Variants in CADPS2 observed in about 807,000 individuals in gnomAD.
CADPS2 encodes the protein calcium-dependent secretion activator 2.
In CADPS2, 93 loss-of-function variants were observed where a neutral mutation model predicts 172.5. That is an observed-to-expected ratio of 0.54 (90% CI 0.46 to 0.64). CADPS2 has a LOEUF of 0.64. Ranked by LOEUF, CADPS2 falls within the 30% of genes least tolerant of loss-of-function variation. The pLI is 0.00. For missense variants in CADPS2, 1,420 were observed against 1,565.9 expected (o/e 0.91, Z 1.57); for synonymous variants, 546 against 555.2 (o/e 0.98, Z 0.23).
At position 122,471,457 on chromosome 7, in the gene CADPS2, G is replaced by A. The variant is rs751976923; in HGVS notation, c.2104C>T (p.His702Tyr). 37 of 1,613,370 alleles carry A rather than the reference G, an allele frequency of 2.3e-5. No individual in the cohort carries two copies. Among genetic ancestry groups the A allele is most frequent in the Non-Finnish European group, 3.1e-5 (37 of 1,179,742 alleles). Residue 702 changes from histidine to tyrosine, a missense_variant, in exon 14 of 30, where the codon CAT becomes TAT. His to Tyr is a moderately conservative substitution (Grantham distance 83). Transcript: ENST00000449022. The stretch of plus-strand genomic sequence containing the variant: ...TCAATGACAGCACCATTTTCTGAAT[G>A]TTCCATCAGTTCTGCAAGGTAGCAG... ...HLCYLAELME[H>Y]SENGAVIDPT... is the part of the protein sequence containing the mutation.
intron 14 of CADPS2, among the ~76,000 whole-genome samples, chr7:122,453,450 G>A (rs2053385683): frequency 6.6e-6 from 1 of 152,062 alleles, no homozygotes; most frequent in Non-Finnish European, 1.5e-5. Flanking sequence ...CAACTGGGAA[G>A]TTCTATATAA....
intron 20 of CADPS2, among the ~76,000 whole-genome samples, chr7:122,398,374 C>T (rs1050804345): frequency 6.6e-6 from 1 of 152,166 alleles, no homozygotes; most frequent in African/African-American, 2.4e-5. Context: ...TTATAGTGCT[C>T]ATCCTCTTCC....
At chr7:122,845,292 T>C (rs1253241183) in intron 1 of CADPS2, among the ~76,000 whole-genome samples, 1 of 152,150 alleles carries the variant, frequency 6.6e-6, no homozygotes, top group Non-Finnish European at 1.5e-5. Context: ...GGACTTATTC[T>C]AAGAGCAACC....
Position 122,581,210 on chromosome 7 carries a change from A to G in CADPS2, c.1304T>C (p.Val435Ala). The stretch of plus-strand genomic sequence containing the variant: ...CAGTTCTTTATCTTCCAGGGCCAGA[A>G]CTCCAGTGCTTTCTGTGAAGAGTTT... ...KVKLFTESTG[V>A]LALEDKELGR... Residue 435 changes from valine to alanine, a missense_variant, in exon 7 of 30, where the codon GTT becomes GCT. Physicochemically the swap from Val to Ala is moderately conservative, Grantham distance 64. Coordinates refer to ENST00000449022, the MANE Select transcript of CADPS2 (RefSeq NM_017954.11). 2 of 1,613,104 alleles carry G rather than the reference A, an allele frequency of 1.2e-6. No individual in the cohort carries two copies. Among genetic ancestry groups the G allele is most frequent in the Non-Finnish European group, 1.7e-6 (2 of 1,179,388 alleles).
intron 8 of CADPS2, among the ~76,000 whole-genome samples, chr7:122,548,285 G>T (rs1239645231): frequency 6.6e-6 from 1 of 151,914 alleles, no homozygotes; most frequent in African/African-American, 2.4e-5. Flanking sequence ...AGATGGGAGG[G>T]TCACTTGAGC....
chr7:122,776,676 G>C (rs182435918), intron 1 of CADPS2, among the ~76,000 whole-genome samples: 65 of 152,274 alleles, frequency 4.3e-4, no homozygotes, highest in African/African-American at 1.5e-3. Flanking sequence ...ATGTGGGAAA[G>C]TTTAGAATTT....
At chr7:122,364,523 G>A (rs917387067) in intron 25 of CADPS2, among the ~76,000 whole-genome samples, 8 of 150,834 alleles carry the variant, frequency 5.3e-5, no homozygotes, top group Admixed American at 1.3e-4. Flanking sequence ...TCAGGAGATC[G>A]AGACCATCCT....
intron 2 of CADPS2, among the ~76,000 whole-genome samples, chr7:122,704,587 A>G (rs1588575081): frequency 6.6e-6 from 1 of 152,076 alleles, no homozygotes; most frequent in South Asian, 2.1e-4. Context: ...GCTTCAAAAC[A>G]TATCTCACAT....
intron 2 of CADPS2, among the ~76,000 whole-genome samples, chr7:122,712,149 T>C (rs769948532): frequency 1.3e-5 from 2 of 152,170 alleles, no homozygotes; most frequent in African/African-American, 2.4e-5. Flanking sequence ...TTGAAAACAA[T>C]GTTACTTTTT....
chr7:122,460,307 G>T (rs1293919468), intron 14 of CADPS2, among the ~76,000 whole-genome samples: 1 of 150,690 alleles, frequency 6.6e-6, no homozygotes, highest in Admixed American at 6.6e-5. Context: ...GCAAAGAAGG[G>T]GCAAATATGA....
chr7:122,647,431 G>A (rs531399928), intron 3 of CADPS2, among the ~76,000 whole-genome samples: 3 of 152,174 alleles, frequency 2.0e-5, no homozygotes, highest in South Asian at 2.1e-4. Flanking sequence ...TACTTTGCAC[G>A]TAGGCAATGA....
chr7:122,740,990 CAATACTACA>C (rs1400317219), intron 1 of CADPS2, among the ~76,000 whole-genome samples: 3 of 152,052 alleles, frequency 2.0e-5, no homozygotes, highest in African/African-American at 7.2e-5. Context: ...GAGATTGGAT[CAATACTACA>C]GATACACCTG....
chr7:122,390,051 C>T (rs572889883), intron 22 of CADPS2, among the ~76,000 whole-genome samples: 28 of 152,124 alleles, frequency 1.8e-4, no homozygotes, highest in African/African-American at 6.0e-4. Flanking sequence ...TATCACAAAC[C>T]TACACTGCTT....
chr7:122,871,287 AAAAC>A (rs1487222336), intron 1 of CADPS2, among the ~76,000 whole-genome samples: 1 of 152,020 alleles, frequency 6.6e-6, no homozygotes, highest in Non-Finnish European at 1.5e-5. Context: ...AATGAAATGA[AAAAC>A]AACCAATCTT....
At chr7:122,586,351 T>C (rs1444616199) in intron 6 of CADPS2, among the ~76,000 whole-genome samples, 1 of 151,986 alleles carries the variant, frequency 6.6e-6, no homozygotes, top group Non-Finnish European at 1.5e-5. Flanking sequence ...ACAGGTTGTA[T>C]ATTTCCATGG....
chr7:122,610,357 TAA>T (rs972468476), intron 6 of CADPS2, among the ~76,000 whole-genome samples: 3 of 151,854 alleles, frequency 2.0e-5, no homozygotes, highest in East Asian at 1.9e-4. Context: ...TAACTTCAGA[TAA>T]AAGTTAATTG....
At chr7:122,669,813 T>C (rs1016324269) in intron 2 of CADPS2, among the ~76,000 whole-genome samples, 34 of 151,970 alleles carry the variant, frequency 2.2e-4, no homozygotes, top group South Asian at 1.0e-3. Context: ...ACATCTCTCC[T>C]TAGGTGTCCC....
chr7:122,856,052 G>T (rs1221528985), intron 1 of CADPS2, among the ~76,000 whole-genome samples: 1 of 152,128 alleles, frequency 6.6e-6, no homozygotes, highest in East Asian at 1.9e-4. Context: ...CCTTCCTTCT[G>T]CCTGGAACAT....
At chr7:122,744,701 G>T (rs374120928) in intron 1 of CADPS2, among the ~76,000 whole-genome samples, 2 of 152,206 alleles carry the variant, frequency 1.3e-5, no homozygotes, top group South Asian at 4.1e-4. Context: ...TAAGTGATAA[G>T]TACAGAACAG....
Sources: gnomAD v4.1 joint callset for allele counts (sites outside exome capture counted in the v4.1 genomes callset) on GRCh38, gnomAD v4.1.1 for gene constraint, MANE v1.5 for transcripts, NCBI Gene and HGNC (gene_info 2026-07-23, HGNC 2026-07-21) for gene names.